Variants in IL1RAPL1 observed in about 807,000 individuals in gnomAD.
The protein encoded by IL1RAPL1 is interleukin 1 receptor accessory protein like 1, also known as interleukin-1 receptor accessory protein-like 1.
Under a neutral mutation model 48.4 loss-of-function variants are expected in IL1RAPL1, and 3 were observed. The observed-to-expected ratio is 0.06, with a 90% CI of 0.03 to 0.16. IL1RAPL1 has a LOEUF of 0.16. IL1RAPL1 is among the 10% of genes least tolerant of loss of function. The pLI is 1.00. For synonymous variants in IL1RAPL1, 185 were observed against 187.7 expected, an observed-to-expected ratio of 0.99 and a Z score of 0.12; for missense variants, 349 against 530.6, an observed-to-expected ratio of 0.66 and a Z score of 3.36.
Position 29,955,647 on chromosome X carries a change from C to T in IL1RAPL1, c.1918C>T (p.Leu640Phe), listed in dbSNP as rs758026182. 6 of 1,209,179 alleles carry T rather than the reference C, an allele frequency of 5.0e-6. No homozygotes were observed. The East Asian group carries it at 1.5e-4, about 30-fold the overall frequency. ...CGTACCTCCTACCGGCACCCTGCCT[C>T]TTACCTCCATAGGCAATCAGCATAC... ...YDVPPTGTLP[L>F]TSIGNQHTYC... The change falls in exon 11 of 11, where the codon CTT becomes TTT. Residue 640 changes from leucine (L) to phenylalanine (F), a missense_variant. Transcript: ENST00000378993.
chrX:29,808,254 A>G (rs190811968), intron 6 of IL1RAPL1, among the ~76,000 whole-genome samples: 223 of 112,210 alleles, frequency 2.0e-3, no homozygotes, highest in African/African-American at 6.8e-3. Flanking sequence ...TGACCATTCA[A>G]TGAAAAACTG....
At chrX:29,051,831 C>T (rs1056509186) in intron 2 of IL1RAPL1, among the ~76,000 whole-genome samples, 75 of 112,533 alleles carry the variant, frequency 6.7e-4, no homozygotes, top group African/African-American at 2.1e-3. Context: ...TGTCATGTGA[C>T]GCTATGTCTG....
Position 29,707,020 on chromosome X carries a change from A to G in IL1RAPL1, c.778+38516A>G, listed in dbSNP as rs1390623042. Among the ~76,000 whole-genome samples the G allele has an allele frequency of 2.7e-5, 3 of 112,178 alleles. No homozygotes were observed. The East Asian group carries it at 8.4e-4, about 31-fold the overall frequency. On this transcript the variant is annotated intron_variant, in intron 6 of 10. Coordinates refer to ENST00000378993, the MANE Select transcript of IL1RAPL1 (RefSeq NM_014271.4). The stretch of plus-strand genomic sequence containing the variant: ...TAACAGACAACCCGCAGAGTGGGAG[A>G]AAATCTTCACAATCTATATATGCAA...
At chrX:29,120,476 T>C (rs1364423197) in intron 2 of IL1RAPL1, among the ~76,000 whole-genome samples, 2 of 111,580 alleles carry the variant, frequency 1.8e-5, no homozygotes, top group African/African-American at 6.5e-5. Flanking sequence ...TTCTGGGTTC[T>C]GTATTCTGTT....
chrX:29,295,578 A>G (rs1011797176), intron 3 of IL1RAPL1, among the ~76,000 whole-genome samples: 4 of 112,063 alleles, frequency 3.6e-5, no homozygotes, highest in Admixed American at 9.5e-5. Flanking sequence ...GGCTTTGTGT[A>G]TAACAAGAAT....
At chrX:28,991,970 T>G (rs2147382186) in intron 2 of IL1RAPL1, among the ~76,000 whole-genome samples, 1 of 111,847 alleles carries the variant, frequency 8.9e-6, no homozygotes, top group South Asian at 3.7e-4. Context: ...GCTATAAAAC[T>G]TGGTTCTCTT....
intron 2 of IL1RAPL1, among the ~76,000 whole-genome samples, chrX:28,895,248 G>A (rs1377591615): frequency 4.5e-5 from 5 of 110,906 alleles, no homozygotes; most frequent in Non-Finnish European, 9.4e-5. Context: ...TCTGGTTTTA[G>A]GACAGGTAAA....
intron 5 of IL1RAPL1, among the ~76,000 whole-genome samples, chrX:29,650,132 C>T (rs7050277): frequency 0.14 from 15,377 of 111,065 alleles, 1,151 homozygotes; most frequent in African/African-American, 0.28. Context: ...CTGAAGAAGA[C>T]ACAGATAAAT....
intron 3 of IL1RAPL1, among the ~76,000 whole-genome samples, chrX:29,323,728 T>TATAATATATATATATATAAA (rs1932822365): frequency 7.0e-4 from 3 of 4,272 alleles, no homozygotes; most frequent in African/African-American, 3.7e-3. Context: ...TATATATATA[T>TATAATATATATATATATAAA]ATATATATAT....
chrX:29,905,678 A>G (rs1569199286), intron 6 of IL1RAPL1, among the ~76,000 whole-genome samples: 3 of 111,434 alleles, frequency 2.7e-5, no homozygotes, highest in Non-Finnish European at 5.6e-5. Context: ...AAAGGGGGAT[A>G]AGGAGAGTGT....
intron 2 of IL1RAPL1, among the ~76,000 whole-genome samples, chrX:28,815,841 A>ATGTGTGTG (rs1331794644): frequency 5.2e-4 from 11 of 21,100 alleles, no homozygotes; most frequent in African/African-American, 2.5e-3. Flanking sequence ...GTGTTTATGT[A>ATGTGTGTG]TATATATATA....
At chrX:28,614,409 A>G (rs1253521451) in intron 1 of IL1RAPL1, among the ~76,000 whole-genome samples, 2 of 111,309 alleles carry the variant, frequency 1.8e-5, no homozygotes, top group African/African-American at 6.5e-5. Flanking sequence ...TTAAAACACC[A>G]CACAATTTAA....
At chrX:28,667,654 T>C (rs759558140) in intron 1 of IL1RAPL1, among the ~76,000 whole-genome samples, 1 of 112,446 alleles carries the variant, frequency 8.9e-6, no homozygotes, top group East Asian at 2.8e-4. Context: ...TCTTAGGCTG[T>C]TGTATAACAA....
At chrX:28,861,231 G>A (rs1043347126) in intron 2 of IL1RAPL1, among the ~76,000 whole-genome samples, 3 of 111,714 alleles carry the variant, frequency 2.7e-5, no homozygotes, top group Non-Finnish European at 3.8e-5. Context: ...CATAAAAAGT[G>A]ATGACAATCG....
intron 5 of IL1RAPL1, among the ~76,000 whole-genome samples, chrX:29,567,192 C>A (rs1922438945): frequency 9.2e-6 from 1 of 109,157 alleles, no homozygotes; most frequent in African/African-American, 3.4e-5. Context: ...TTATTAGATA[C>A]CAGAAAGAAA....
intron 2 of IL1RAPL1, among the ~76,000 whole-genome samples, chrX:28,800,887 ATTTATTTATTTT>A (rs1346642096): frequency 5.9e-5 from 6 of 102,554 alleles, no homozygotes; most frequent in African/African-American, 1.9e-4. Flanking sequence ...TTATTTATTT[ATTTATTTATTTT>A]GAGACAGAGT....
intron 6 of IL1RAPL1, among the ~76,000 whole-genome samples, chrX:29,787,758 A>G (rs557647951): frequency 1.8e-5 from 2 of 111,983 alleles, no homozygotes; most frequent in African/African-American, 6.5e-5. Flanking sequence ...CCATATGCTT[A>G]AAGTCTTTAC....
In IL1RAPL1 at chrX:29,805,202, G is replaced by T. The variant is rs1930223904; in HGVS notation, c.779-112262G>T. On this transcript the variant is annotated intron_variant, in intron 6 of 10. Coordinates refer to ENST00000378993, the MANE Select transcript of IL1RAPL1 (RefSeq NM_014271.4). ...TACTTAGTGAAGGATTTGGGAGCAT[G>T]TTAAAGTTATTTAGCATTAATTGCA... Among the ~76,000 whole-genome samples, 4 of 111,681 alleles carry T rather than the reference G, an allele frequency of 3.6e-5. No individual in the cohort carries two copies. The Admixed American group carries it at 3.8e-4, about 11-fold the overall frequency.
intron 5 of IL1RAPL1, among the ~76,000 whole-genome samples, chrX:29,453,209 T>C (rs1264477676): frequency 9.1e-6 from 1 of 110,355 alleles, no homozygotes; most frequent in East Asian, 2.9e-4. Context: ...GTTTCTCACA[T>C]AATGAGAAGC....
Sources: allele counts gnomAD v4.1 joint callset (sites outside exome capture counted in the v4.1 genomes callset), GRCh38; gene constraint gnomAD v4.1.1; transcripts MANE v1.5; gene names NCBI Gene and HGNC (gene_info 2026-07-23, HGNC 2026-07-21).